The following GAS2 variants were observed in gnomAD, a reference collection of about 807,000 sequenced individuals.
GAS2 encodes growth arrest specific 2.
GAS2 carries 20 observed loss-of-function variants against 37.5 expected under a neutral mutation model. The observed-to-expected ratio is 0.53, with a 90% confidence interval of 0.37 to 0.77. GAS2 has a LOEUF of 0.77. Ranked by LOEUF, GAS2 falls within the 30% of genes least tolerant of loss-of-function variation. GAS2 has a pLI of 0.00. For missense variants in GAS2, 336 were observed against 373.4 expected (o/e 0.90, Z 0.82); for synonymous variants, 144 against 132.2 (o/e 1.09, Z -0.61).
At chr11:22,665,657 A>G (rs1848972737), upstream of GAS2, among the ~76,000 whole-genome samples, 1 of 152,234 alleles carries the variant, frequency 6.6e-6, no homozygotes, top group Admixed American at 6.5e-5. Context: ...AGGACTCCAA[A>G]CTTTTCAATC....
chr11:22,754,549 G>A (rs1853919163), intron 6 of GAS2, among the ~76,000 whole-genome samples: 1 of 151,944 alleles, frequency 6.6e-6, no homozygotes. Flanking sequence ...CATCCTCACT[G>A]AGTCATAATT....
chr11:22,685,604 AT>A, intron 2 of GAS2, 63 bp from the exon 3 acceptor site: 1 of 1,536,764 alleles, frequency 6.5e-7, no homozygotes, highest in Non-Finnish European at 8.9e-7. Flanking sequence ...TGTGTCAAAT[AT>A]TTTATTTAGT....
At chr11:22,683,097 T>G (rs1176117633) in intron 2 of GAS2, among the ~76,000 whole-genome samples, 1 of 152,068 alleles carries the variant, frequency 6.6e-6, no homozygotes, top group Non-Finnish European at 1.5e-5. Flanking sequence ...GTCATTATTT[T>G]AATTGGGGGC....
chr11:22,713,239 A>G (rs575173645), intron 3 of GAS2, among the ~76,000 whole-genome samples: 22 of 151,958 alleles, frequency 1.4e-4, no homozygotes, highest in Non-Finnish European at 1.9e-4. Flanking sequence ...CAACAATAGA[A>G]TCAAACAAGT....
intron 7 of GAS2, among the ~76,000 whole-genome samples, chr11:22,808,588 A>G (rs1857002168): frequency 6.6e-6 from 1 of 152,236 alleles, no homozygotes; most frequent in Admixed American, 6.5e-5. Flanking sequence ...ACTGCTTCCT[A>G]GAATTGTTTA....
intron 7 of GAS2, among the ~76,000 whole-genome samples, chr11:22,777,018 C>T (rs909339168): frequency 2.0e-5 from 3 of 152,128 alleles, no homozygotes; most frequent in African/African-American, 7.2e-5. Flanking sequence ...AGGAGTCCAA[C>T]AGGAGGTGGC....
chr11:22,627,730 G>C (rs569846712), intron 1 of GAS2, among the ~76,000 whole-genome samples: 2 of 151,132 alleles, frequency 1.3e-5, no homozygotes, highest in South Asian at 4.2e-4. Flanking sequence ...AGCTGAGATC[G>C]GGCCACTGCA....
intron 1 of GAS2, among the ~76,000 whole-genome samples, chr11:22,653,173 C>G (rs371346781): frequency 6.6e-6 from 1 of 151,244 alleles, no homozygotes; most frequent in Non-Finnish European, 1.5e-5. Flanking sequence ...CTTCCCCTTA[C>G]GTACACTCAT....
chr11:22,717,484 A>G (rs1200161985), intron 3 of GAS2, among the ~76,000 whole-genome samples: 1 of 152,082 alleles, frequency 6.6e-6, no homozygotes. Context: ...CTCACCTTAC[A>G]TAAAAATCAA....
At chr11:22,670,160 A>G (rs1849143763) in intron 1 of GAS2, among the ~76,000 whole-genome samples, 1 of 152,190 alleles carries the variant, frequency 6.6e-6, no homozygotes. Context: ...CTATTTCCTC[A>G]GTGTTTGACA....
intron 1 of GAS2, among the ~76,000 whole-genome samples, chr11:22,637,120 ATTAC>A (rs1382274963): frequency 7.8e-6 from 1 of 128,234 alleles, no homozygotes; most frequent in Non-Finnish European, 1.5e-5. Context: ...TTAATATAAT[ATTAC>A]TTATATTAAT....
intron 2 of GAS2, among the ~76,000 whole-genome samples, chr11:22,682,525 T>C (rs1849729286): frequency 6.6e-6 from 1 of 152,164 alleles, no homozygotes; most frequent in Admixed American, 6.6e-5. Flanking sequence ...TTGAATAACA[T>C]TATAATTAAG....
chr11:22,677,698 C>T, intron 2 of GAS2, among the ~76,000 whole-genome samples: 1 of 152,132 alleles, frequency 6.6e-6, no homozygotes, highest in Non-Finnish European at 1.5e-5. Flanking sequence ...GATTAAAAAT[C>T]AGGAGACCTG....
chr11:22,768,002 TA>T (rs1854780950), intron 7 of GAS2, among the ~76,000 whole-genome samples: 1 of 152,198 alleles, frequency 6.6e-6, no homozygotes, highest in African/African-American at 2.4e-5. Context: ...CTCCTTCATC[TA>T]AACGGCCAGT....
chr11:22,626,066 A>G, intron 1 of GAS2: 1 of 542,710 alleles, frequency 1.8e-6, no homozygotes, highest in Non-Finnish European at 3.3e-6. Flanking sequence ...GAATTTCCGG[A>G]ACCACGTGCG....
At chr11:22,653,288 T>G (rs1173796275) in intron 1 of GAS2, among the ~76,000 whole-genome samples, 1 of 152,096 alleles carries the variant, frequency 6.6e-6, no homozygotes, top group Non-Finnish European at 1.5e-5. Context: ...ATTTAGTGTA[T>G]AGGAAGAATT....
intron 3 of GAS2, among the ~76,000 whole-genome samples, chr11:22,686,836 A>G (rs1849984488): frequency 6.6e-6 from 1 of 152,150 alleles, no homozygotes; most frequent in Non-Finnish European, 1.5e-5. Context: ...AGAAAAAATA[A>G]AAGGGGTGTA....
intron 1 of GAS2, among the ~76,000 whole-genome samples, chr11:22,648,099 T>A (rs1369280764): frequency 2.0e-5 from 3 of 152,372 alleles, no homozygotes; most frequent in African/African-American, 7.2e-5. Flanking sequence ...TTGATTTTTG[T>A]ATAAGGTGTA....
intron 3 of GAS2, among the ~76,000 whole-genome samples, chr11:22,691,735 G>A (rs747513903): frequency 3.9e-5 from 6 of 152,110 alleles, no homozygotes; most frequent in African/African-American, 9.7e-5. Flanking sequence ...AAAGGAAAAA[G>A]AAAAGTTAGT....
Sources: gnomAD v4.1 joint callset for allele counts (sites outside exome capture counted in the v4.1 genomes callset) on GRCh38, gnomAD v4.1.1 for gene constraint, MANE v1.5 for transcripts, NCBI Gene and HGNC (gene_info 2026-07-23, HGNC 2026-07-21) for gene names.